The following ACCSL variants were observed in gnomAD, a reference collection of about 807,000 sequenced individuals.
The protein encoded by ACCSL is probable inactive 1-aminocyclopropane-1-carboxylate synthase-like protein 2.
In ACCSL, 55 loss-of-function variants were observed where a neutral mutation model predicts 61.7. The observed-to-expected ratio is 0.89, with a 90% CI of 0.72 to 1.12. The LOEUF is 1.12. ACCSL is among the 50% of genes most tolerant of loss of function. The probability of loss-of-function intolerance (pLI) is 0.00; values close to 1 mark genes in which losing one functional copy is unlikely to be tolerated. For synonymous variants in ACCSL, 258 were observed against 264.3 expected (o/e 0.98, Z 0.23); for missense variants, 632 against 698.0 (o/e 0.91, Z 1.07).
the ACCSL span, among the ~76,000 whole-genome samples, chr11:43,938,606 C>T: frequency 6.6e-6 from 1 of 152,006 alleles, no homozygotes; most frequent in South Asian, 2.1e-4. Context: ...GAGTTTGAGA[C>T]CAGCCTGGCC....
the ACCSL span, among the ~76,000 whole-genome samples, chr11:43,950,604 C>G: frequency 1.3e-5 from 2 of 152,312 alleles, no homozygotes; most frequent in South Asian, 4.1e-4. Context: ...GTGGGTGTAC[C>G]AGTCCCTCCC....
the ACCSL span, among the ~76,000 whole-genome samples, chr11:43,967,016 T>G: frequency 6.6e-6 from 1 of 152,094 alleles, no homozygotes; most frequent in African/African-American, 2.4e-5. Flanking sequence ...ATCCACTTTC[T>G]TCATTCTATC....
chr11:43,925,072 C>T, the ACCSL span: 61 of 196,022 alleles, frequency 3.1e-4, no homozygotes, highest in East Asian at 7.4e-3. Context: ...GAAAGGAGGA[C>T]AGCTGGCCTG....
At chr11:43,934,355 G>A in the ACCSL span, among the ~76,000 whole-genome samples, 12 of 152,276 alleles carry the variant, frequency 7.9e-5, no homozygotes, top group South Asian at 4.1e-4. Context: ...GGTGAGGGCC[G>A]GGACAGGGGG....
chr11:43,928,182 A>G, the ACCSL span, among the ~76,000 whole-genome samples: 4 of 152,130 alleles, frequency 2.6e-5, no homozygotes, highest in African/African-American at 9.7e-5. Context: ...GGGGAGGAAG[A>G]TGGGCCCACA....
chr11:43,945,735 C>G, the ACCSL span: 1 of 151,602 alleles, frequency 6.6e-6, no homozygotes, highest in African/African-American at 2.4e-5. Flanking sequence ...GTGTTCCCAG[C>G]TATTCAGGAG....
the ACCSL span, among the ~76,000 whole-genome samples, chr11:44,036,646 G>A: frequency 4.9e-4 from 74 of 152,224 alleles, no homozygotes; most frequent in Middle Eastern, 6.8e-3. Context: ...CCCATGTGTG[G>A]TGGTGCACAC....
the ACCSL span, among the ~76,000 whole-genome samples, chr11:44,013,789 C>G: frequency 1.2e-5 from 1 of 80,008 alleles, no homozygotes; most frequent in African/African-American, 4.9e-5. Context: ...GCTTGGTCAC[C>G]CTTGATTGCA....
chr11:43,964,128 A>G, the ACCSL span, among the ~76,000 whole-genome samples: 1 of 152,286 alleles, frequency 6.6e-6, no homozygotes, highest in East Asian at 1.9e-4. Flanking sequence ...AATCAGTAAT[A>G]GAAAACTTCC....
In ACCSL at chr11:44,052,976, G is replaced by C. The variant is rs531254704; in HGVS notation, c.871-15G>C. ...GATTTTAAGAGACACTTCTCACATA[G>C]TGTTTCTCTTCCAGGTCACTGTTAC... On this transcript the variant is annotated splice_polypyrimidine_tract_variant and intron_variant, in intron 6 of 13. Transcript: ENST00000378832. The C allele has an allele frequency of 6.2e-7, 1 of 1,609,944 alleles. No individual in the cohort carries two copies. Among genetic ancestry groups the C allele is most frequent in the South Asian group, 1.1e-5 (1 of 90,998 alleles).
At chr11:43,959,681 C>G in the ACCSL span, among the ~76,000 whole-genome samples, 1 of 152,170 alleles carries the variant, frequency 6.6e-6, no homozygotes, top group African/African-American at 2.4e-5. Flanking sequence ...TCCCTGAGGG[C>G]CCTCCCAGCT....
At chr11:44,035,955 A>G in the ACCSL span, among the ~76,000 whole-genome samples, 3 of 151,668 alleles carry the variant, frequency 2.0e-5, no homozygotes, top group Admixed American at 2.0e-4. Context: ...AAAAAAAAAA[A>G]AAAAAGAAAG....
chr11:44,029,521 C>T, the ACCSL span, among the ~76,000 whole-genome samples: 2 of 152,206 alleles, frequency 1.3e-5, no homozygotes, highest in African/African-American at 4.8e-5. Flanking sequence ...GAATGAAGTC[C>T]TGGTCAGAAT....
At chr11:43,981,141 C>A in the ACCSL span, among the ~76,000 whole-genome samples, 1 of 152,068 alleles carries the variant, frequency 6.6e-6, no homozygotes, top group South Asian at 2.1e-4. Context: ...ATTGCATTAA[C>A]GAGCACGCCA....
At chr11:43,934,655 C>T in the ACCSL span, among the ~76,000 whole-genome samples, 2 of 152,174 alleles carry the variant, frequency 1.3e-5, no homozygotes, top group Non-Finnish European at 2.9e-5. Flanking sequence ...TTGCCCAGTG[C>T]ATCTAGCTGG....
At chr11:44,018,315 A>C in the ACCSL span, among the ~76,000 whole-genome samples, 1 of 152,190 alleles carries the variant, frequency 6.6e-6, no homozygotes, top group Non-Finnish European at 1.5e-5. Context: ...GGTCTATGCC[A>C]GCCGGTCTCG....
rs182011471 is a variant in ACCSL at position 44,059,301 on chromosome 11, G to A, written c.1625-537G>A. ...GTAGTACTCTGCCCTTGTGGGACTG[G>A]CAGCCTAGTAAGTGAGATGGATAGG... On this transcript the variant is annotated intron_variant, in intron 13 of 13. Transcript: ENST00000378832. 4.5e-4 allele frequency among the ~76,000 whole-genome samples: 68 copies of A among 152,274 alleles called. 1 individual carries two copies. Among genetic ancestry groups the A allele is most frequent in the African/African-American group, 1.6e-3 (65 of 41,556 alleles).
chr11:43,926,306 A>G, the ACCSL span: 1 of 276,376 alleles, frequency 3.6e-6, no homozygotes, highest in Admixed American at 4.9e-5. Context: ...CTATCCCTGG[A>G]CAGATTCCAG....
At chr11:43,926,602 C>A in the ACCSL span, 15 of 341,112 alleles carry the variant, frequency 4.4e-5, no homozygotes, top group East Asian at 1.2e-3. Flanking sequence ...TAGAAGTAAA[C>A]CCATGTGGCT....
Sources: gnomAD v4.1 joint callset for allele counts (sites outside exome capture counted in the v4.1 genomes callset) on GRCh38, gnomAD v4.1.1 for gene constraint, MANE v1.5 for transcripts, NCBI Gene and HGNC (gene_info 2026-07-23, HGNC 2026-07-21) for gene names.